Variants in ATE1 observed in about 807,000 individuals in gnomAD.
The protein encoded by ATE1 is arginyl-tRNA--protein transferase 1.
ATE1 carries 36 observed loss-of-function variants against 70.5 expected under a neutral mutation model. The observed-to-expected ratio is 0.51, with a 90% CI of 0.39 to 0.67. ATE1 has a LOEUF of 0.67. ATE1 is among the 30% of genes least tolerant of loss of function. The pLI is 0.00. For synonymous variants in ATE1, 232 were observed against 219.3 expected (o/e 1.06, Z -0.51); for missense variants, 593 against 629.5 (o/e 0.94, Z 0.62).
intron 10 of ATE1, among the ~76,000 whole-genome samples, chr10:121,812,005 C>G (rs1389008860): frequency 7.8e-6 from 1 of 128,320 alleles, no homozygotes; most frequent in Non-Finnish European, 1.6e-5. Flanking sequence ...GTCACCCAGA[C>G]TGATAGTGGG....
At chr10:121,823,108 G>C (rs570396957) in intron 10 of ATE1, among the ~76,000 whole-genome samples, 1 of 152,038 alleles carries the variant, frequency 6.6e-6, no homozygotes, top group Non-Finnish European at 1.5e-5. Flanking sequence ...GGCTAACACA[G>C]TGCAACCCCA....
intron 11 of ATE1, among the ~76,000 whole-genome samples, chr10:121,784,212 GGCTTA>G (rs1946114804): frequency 6.6e-6 from 1 of 152,216 alleles, no homozygotes; most frequent in African/African-American, 2.4e-5. Context: ...GCTCATGCAT[GGCTTA>G]TTGAGCAAAG....
chr10:121,773,788 C>G (rs1945619966), intron 11 of ATE1, among the ~76,000 whole-genome samples: 1 of 152,084 alleles, frequency 6.6e-6, no homozygotes, highest in African/African-American at 2.4e-5. Context: ...TTTTGAAAAA[C>G]AAAGTATTGT....
At chr10:121,774,452 G>T (rs1454129532) in intron 11 of ATE1, among the ~76,000 whole-genome samples, 2 of 152,146 alleles carry the variant, frequency 1.3e-5, no homozygotes, top group East Asian at 3.8e-4. Context: ...TTGAGGGTTT[G>T]AGAAATTATA....
chr10:121,847,915 C>CA (rs1239735665), intron 8 of ATE1, among the ~76,000 whole-genome samples: 5 of 146,486 alleles, frequency 3.4e-5, no homozygotes, highest in African/African-American at 1.3e-4. Context: ...ACTAAAACTA[C>CA]AAAAAATTAG....
chr10:121,928,179 C>T (rs971946858), upstream of ATE1: 17 of 1,293,696 alleles, frequency 1.3e-5, no homozygotes, highest in Non-Finnish European at 1.5e-5. Context: ...AAGGGGCCGC[C>T]GTCGTCAGTG....
chr10:121,789,298 T>TTTTC (rs1169764961), intron 11 of ATE1, among the ~76,000 whole-genome samples: 1 of 139,834 alleles, frequency 7.2e-6, no homozygotes, highest in Non-Finnish European at 1.6e-5. Flanking sequence ...GGGCTATGCT[T>TTTTC]TTTTTTTTTT....
At chr10:121,836,639 C>A (rs1403544115) in intron 10 of ATE1, 79 bp downstream of exon 10, 2 of 885,952 alleles carry the variant, frequency 2.3e-6, no homozygotes, top group Admixed American at 5.4e-5. Context: ...AGCTTCAAAC[C>A]CAGTGCCCTG....
chr10:121,839,651 G>T (rs1452989096), intron 9 of ATE1, among the ~76,000 whole-genome samples: 1 of 152,074 alleles, frequency 6.6e-6, no homozygotes, highest in Non-Finnish European at 1.5e-5. Context: ...ACAAAAATGT[G>T]ATTAAATACA....
At chr10:121,815,260 C>G (rs1269493037) in intron 10 of ATE1, among the ~76,000 whole-genome samples, 1 of 152,142 alleles carries the variant, frequency 6.6e-6, no homozygotes, top group Non-Finnish European at 1.5e-5. Flanking sequence ...CTCAGCCTCC[C>G]GAGTAGCTGG....
intron 3 of ATE1, among the ~76,000 whole-genome samples, chr10:121,917,233 G>C (rs1951697369): frequency 6.6e-6 from 1 of 152,116 alleles, no homozygotes; most frequent in African/African-American, 2.4e-5. Context: ...GATCAAGCCG[G>C]TCAGAAGGCT....
intron 7 of ATE1, among the ~76,000 whole-genome samples, chr10:121,878,722 C>T (rs1208940929): frequency 6.6e-6 from 1 of 151,918 alleles, no homozygotes; most frequent in African/African-American, 2.4e-5. Context: ...ACTATAGTTC[C>T]ACCTGGGGAT....
chr10:121,756,004 T>G (rs1431019025), intron 11 of ATE1, among the ~76,000 whole-genome samples: 3 of 152,100 alleles, frequency 2.0e-5, no homozygotes, highest in African/African-American at 7.2e-5. Context: ...GTCCAAAGTC[T>G]CGTCTGAGAC....
At chr10:121,782,355 A>G (rs1354089752) in intron 11 of ATE1, 3 of 152,262 alleles carry the variant, frequency 2.0e-5, no homozygotes, top group African/African-American at 7.2e-5. Context: ...AAAATGTTCA[A>G]TCAAATGTGG....
intron 3 of ATE1, among the ~76,000 whole-genome samples, chr10:121,920,657 C>T (rs968569808): frequency 1.3e-5 from 2 of 152,104 alleles, no homozygotes; most frequent in African/African-American, 4.8e-5. Flanking sequence ...CCAACGAAGA[C>T]TTTGTAGGAA....
intron 7 of ATE1, among the ~76,000 whole-genome samples, chr10:121,896,012 G>T (rs562107186): frequency 1.3e-5 from 2 of 151,330 alleles, no homozygotes; most frequent in African/African-American, 4.8e-5. Flanking sequence ...TATATTTTTT[G>T]ATGTCTATAT....
At chr10:121,796,853 A>G (rs968829875) in intron 10 of ATE1, among the ~76,000 whole-genome samples, 11 of 152,360 alleles carry the variant, frequency 7.2e-5, no homozygotes, top group Admixed American at 6.5e-4. Flanking sequence ...AATGGAATGA[A>G]CAAAGGCATT....
chr10:121,790,435 A>T, intron 10 of ATE1, 146 bp from the exon 11 acceptor site: 3 of 1,055,254 alleles, frequency 2.8e-6, no homozygotes, highest in Non-Finnish European at 3.9e-6. Flanking sequence ...GCAACCCTGT[A>T]GCTGATAGTT....
intron 8 of ATE1, among the ~76,000 whole-genome samples, chr10:121,844,983 G>A (rs1043402509): frequency 7.9e-5 from 12 of 151,324 alleles, no homozygotes; most frequent in South Asian, 2.1e-4. Context: ...ATGTGCTCAC[G>A]TCATTAGCAT....
Sources: allele counts gnomAD v4.1 joint callset (sites outside exome capture counted in the v4.1 genomes callset), GRCh38; gene constraint gnomAD v4.1.1; transcripts MANE v1.5; gene names NCBI Gene and HGNC (gene_info 2026-07-23, HGNC 2026-07-21).